The following HACL1 variants were observed in gnomAD, a reference collection of about 807,000 sequenced individuals.
HACL1 encodes 2-hydroxyacyl-CoA lyase 1.
Under a neutral mutation model 74.2 loss-of-function variants are expected in HACL1, and 64 were observed. That is an observed-to-expected ratio of 0.86 (90% CI 0.70 to 1.06). The LOEUF is 1.06. Among genes scored for constraint, HACL1 ranks in the 50% least tolerant of loss-of-function variants. HACL1 has a pLI of 0.00. For synonymous variants in HACL1, 230 were observed against 238.8 expected (o/e 0.96, Z 0.34); for missense variants, 728 against 719.7 (o/e 1.01, Z -0.13).
At chr3:15,591,919 GTA>G (rs112406634) in intron 3 of HACL1, among the ~76,000 whole-genome samples, 1 of 149,380 alleles carries the variant, frequency 6.7e-6, no homozygotes, top group African/African-American at 2.5e-5. Flanking sequence ...TGTATATAGT[GTA>G]TATATACGTA....
chr3:15,573,106 A>G, intron 11 of HACL1, 53 bp downstream of exon 11: 1 of 942,220 alleles, frequency 1.1e-6, no homozygotes, highest in Non-Finnish European at 1.8e-6. Context: ...CATTTTCAAG[A>G]ATTGACTATT....
chr3:15,594,386 C>T (rs186876277), intron 3 of HACL1, among the ~76,000 whole-genome samples: 5 of 152,182 alleles, frequency 3.3e-5, no homozygotes, highest in Admixed American at 2.6e-4. Context: ...AGCATGGAGA[C>T]GACAGAGTGA....
chr3:15,580,320 G>A (rs137986925), intron 8 of HACL1, among the ~76,000 whole-genome samples: 30 of 152,072 alleles, frequency 2.0e-4, no homozygotes, highest in African/African-American at 6.5e-4. Context: ...CTGTATAGAC[G>A]AGGTCTCCCT....
At chr3:15,579,825 C>G (rs760598737) in intron 9 of HACL1, 85 bp downstream of exon 9, 14 of 927,608 alleles carry the variant, frequency 1.5e-5, no homozygotes, top group Non-Finnish European at 2.3e-5. Flanking sequence ...TTTCAGAACT[C>G]CATCCTAGAT....
At chr3:15,580,560 G>A (rs2063702019) in intron 8 of HACL1, among the ~76,000 whole-genome samples, 2 of 152,140 alleles carry the variant, frequency 1.3e-5, no homozygotes, top group Admixed American at 6.5e-5. Flanking sequence ...TATCCTGAAG[G>A]ATGTCTATCC....
At chr3:15,585,955 G>C (rs1204502693) in intron 6 of HACL1, among the ~76,000 whole-genome samples, 1 of 151,844 alleles carries the variant, frequency 6.6e-6, no homozygotes, top group East Asian at 1.9e-4. Flanking sequence ...GCATCCCCAA[G>C]GGAAAAATAA....
At chr3:15,566,811 G>A (rs1266251720) in intron 14 of HACL1, among the ~76,000 whole-genome samples, 1 of 138,436 alleles carries the variant, frequency 7.2e-6, no homozygotes, top group Non-Finnish European at 1.5e-5. Flanking sequence ...GCTTGGTTAA[G>A]TGACTTTTTT....
At chr3:15,572,172 C>A (rs2063547296) in intron 11 of HACL1, among the ~76,000 whole-genome samples, 1 of 152,072 alleles carries the variant, frequency 6.6e-6, no homozygotes, top group African/African-American at 2.4e-5. Context: ...ATCATATTAA[C>A]ACGGAAGTAT....
At chr3:15,595,056 G>A (rs1300595889) in intron 3 of HACL1, among the ~76,000 whole-genome samples, 1 of 152,118 alleles carries the variant, frequency 6.6e-6, no homozygotes, top group East Asian at 1.9e-4. Context: ...GAACCCAGGA[G>A]GCAGAGGTTC....
chr3:15,591,946 T>TAC (rs754164221), intron 3 of HACL1, among the ~76,000 whole-genome samples: 6 of 149,986 alleles, frequency 4.0e-5, no homozygotes, highest in Non-Finnish European at 7.4e-5. Flanking sequence ...CGTGTATATA[T>TAC]ACACACACTA....
chr3:15,560,790 G>A lies in HACL1; in HGVS notation c.*75C>T. On this transcript the variant is annotated 3_prime_UTR_variant, in exon 17 of 17. Coordinates refer to ENST00000321169, the MANE Select transcript of HACL1 (RefSeq NM_012260.4). ...TATTTTGCACAATTTTAACAGTAGA[G>A]TAATTTTGCTGTGGAAAATAAAATT... The A allele has an allele frequency of 1.0e-6, 1 of 957,530 alleles. No individual in the cohort carries two copies. Among genetic ancestry groups the A allele is most frequent in the Non-Finnish European group, 1.7e-6 (1 of 594,212 alleles). 59.3% of individuals were successfully genotyped at this position (957,530 alleles called of 1,614,324 possible). A position where few individuals can be genotyped will look rare whatever the true frequency, so the allele number is the denominator to read the frequency against.
chr3:15,586,658 G>C (rs1041072498), intron 5 of HACL1, 56 bp from the exon 6 acceptor site: 14 of 952,368 alleles, frequency 1.5e-5, no homozygotes, highest in South Asian at 4.1e-5. Context: ...TTACTCTCCT[G>C]AAAGAAGACA....
At chr3:15,587,211 T>C (rs974287529) in intron 5 of HACL1, among the ~76,000 whole-genome samples, 3 of 144,202 alleles carry the variant, frequency 2.1e-5, no homozygotes, top group Non-Finnish European at 4.6e-5. Context: ...AAAATTAAGA[T>C]CACCCTCCGA....
At chr3:15,583,124 A>G in intron 7 of HACL1, 135 bp from the exon 8 acceptor site, 1 of 545,804 alleles carries the variant, frequency 1.8e-6, no homozygotes, top group Non-Finnish European at 3.3e-6. Flanking sequence ...TAACAACTTA[A>G]TATCATTTTA....
intron 8 of HACL1, among the ~76,000 whole-genome samples, chr3:15,581,573 TC>T (rs1182502191): frequency 1.3e-5 from 2 of 152,204 alleles, no homozygotes; most frequent in Non-Finnish European, 2.9e-5. Flanking sequence ...AGTTCTCTCT[TC>T]CTGCTTTGCC....
Position 15,585,306 on chromosome 3 carries a change from A to T in HACL1, c.496T>A (p.Cys166Ser), listed in dbSNP as rs745844711. 1.9e-6 allele frequency: 3 copies of T among 1,606,340 alleles called. No homozygotes were observed. The East Asian group carries it at 6.7e-5, about 36-fold the overall frequency. Residue 166 changes from cysteine to serine, a missense_variant, in exon 7 of 17, where the codon TGC becomes AGC. Transcript: ENST00000321169. Reference protein sequence around the residue: ...RSSIYGRPGACYVDIPADFVN... With the variant: ...RSSIYGRPGASYVDIPADFVN... ...AAATCTGCTGGTATGTCAACATAGC[A>T]AGCACCTGGACGACCATAGATACTG...
At chr3:15,598,299 GCGTGAGC>G (rs2064109548) in intron 2 of HACL1, among the ~76,000 whole-genome samples, 1 of 152,134 alleles carries the variant, frequency 6.6e-6, no homozygotes, top group Non-Finnish European at 1.5e-5. Context: ...GGGATTACAG[GCGTGAGC>G]CACCGCGCCT....
chr3:15,582,298 C>A (rs1000379817), intron 8 of HACL1, among the ~76,000 whole-genome samples: 5 of 152,154 alleles, frequency 3.3e-5, no homozygotes, highest in African/African-American at 1.2e-4. Context: ...ACTTTTCTTT[C>A]TAGGAAACTT....
At chr3:15,566,734 C>CTT (rs142435306) in intron 14 of HACL1, among the ~76,000 whole-genome samples, 9 of 136,768 alleles carry the variant, frequency 6.6e-5, no homozygotes, top group South Asian at 2.4e-4. Flanking sequence ...ACTATTCCTA[C>CTT]TTTTTTTTTT....
Sources: gnomAD v4.1 joint callset for allele counts (sites outside exome capture counted in the v4.1 genomes callset) on GRCh38, gnomAD v4.1.1 for gene constraint, MANE v1.5 for transcripts, NCBI Gene and HGNC (gene_info 2026-07-23, HGNC 2026-07-21) for gene names.